Variants in PSD2 observed in about 807,000 individuals in gnomAD.
PSD2 encodes the protein pleckstrin and Sec7 domain containing 2.
Under a neutral mutation model 69.8 loss-of-function variants are expected in PSD2, and 38 were observed. The ratio of observed to expected loss-of-function variants is 0.54; its 90% CI spans 0.42 to 0.71. PSD2 has a LOEUF of 0.71. PSD2 is among the 30% of genes least tolerant of loss of function. The probability of loss-of-function intolerance (pLI) is 0.00; values close to 1 mark genes in which losing one functional copy is unlikely to be tolerated. For synonymous variants in PSD2, 412 were observed against 423.0 expected, an observed-to-expected ratio of 0.97 and a Z score of 0.32; for missense variants, 943 against 1,014.5, an observed-to-expected ratio of 0.93 and a Z score of 0.96.
At chr5:139,774,126 C>CA in the PSD2 span, among the ~76,000 whole-genome samples, 5 of 150,226 alleles carry the variant, frequency 3.3e-5, no homozygotes, top group Non-Finnish European at 7.4e-5. Flanking sequence ...CACTCGGTCT[C>CA]GTTTTTTTTT....
the PSD2 span, among the ~76,000 whole-genome samples, chr5:139,787,722 T>C: frequency 6.6e-6 from 1 of 152,194 alleles, no homozygotes; most frequent in African/African-American, 2.4e-5. Context: ...CTCGGCCAGT[T>C]AGACCCGCGA....
the PSD2 span, among the ~76,000 whole-genome samples, chr5:139,788,942 C>T: frequency 1.3e-5 from 2 of 152,290 alleles, no homozygotes; most frequent in East Asian, 3.9e-4. Flanking sequence ...CCAGGGCTGT[C>T]CAGTGAGCAA....
chr5:139,774,791 C>G, the PSD2 span, among the ~76,000 whole-genome samples: 1 of 152,166 alleles, frequency 6.6e-6, no homozygotes, highest in Non-Finnish European at 1.5e-5. Flanking sequence ...CGCCCGGCCC[C>G]GGGAAAGGCT....
chr5:139,804,129 G>A (rs956857684), intron 1 of PSD2, among the ~76,000 whole-genome samples: 40 of 152,202 alleles, frequency 2.6e-4, no homozygotes, highest in African/African-American at 9.4e-4. Flanking sequence ...TTAAGTGTCT[G>A]TGTGTGTCTT....
the PSD2 span, among the ~76,000 whole-genome samples, chr5:139,769,080 C>T: frequency 6.6e-6 from 1 of 152,054 alleles, no homozygotes; most frequent in African/African-American, 2.4e-5. Flanking sequence ...TGGAGAAGCA[C>T]AGGGCCTGTG....
intron 1 of PSD2, among the ~76,000 whole-genome samples, chr5:139,796,653 C>T (rs1046051281): frequency 6.6e-6 from 1 of 152,188 alleles, no homozygotes; most frequent in Non-Finnish European, 1.5e-5. Flanking sequence ...CTGGGGACAA[C>T]CCTGCCCAGC....
At chr5:139,823,185 C>A (rs986016457) in intron 7 of PSD2, among the ~76,000 whole-genome samples, 2 of 152,218 alleles carry the variant, frequency 1.3e-5, no homozygotes, top group Non-Finnish European at 2.9e-5. Flanking sequence ...TGGTGTGGGA[C>A]GCCCAGGCTG....
chr5:139,809,773 C>T lies in PSD2; in HGVS notation c.333C>T (p.Ser111=), dbSNP rs1326782472. ...AGVLAEGDNA[S]RSLYPDAEDP... ...TGCTGGCAGAGGGGGACAATGCTTC[C>T]AGGAGCCTCTACCCAGATGCTGAGG... Residue 111 remains serine, a synonymous_variant, in exon 2 of 15, where the codon TCC becomes TCT. Coordinates refer to ENST00000274710, the MANE Select transcript of PSD2 (RefSeq NM_032289.4). The T allele has an allele frequency of 1.2e-6, 2 of 1,614,196 alleles. No homozygotes were observed. Among genetic ancestry groups the T allele is most frequent in the East Asian group, 4.5e-5 (2 of 44,890 alleles).
At chr5:139,808,848 C>T (rs1447434519) in intron 1 of PSD2, among the ~76,000 whole-genome samples, 1 of 152,238 alleles carries the variant, frequency 6.6e-6, no homozygotes, top group Non-Finnish European at 1.5e-5. Flanking sequence ...AATTAGGCTG[C>T]GTCTGTTGAC....
the PSD2 span, among the ~76,000 whole-genome samples, chr5:139,758,518 T>C: frequency 6.6e-6 from 1 of 152,054 alleles, no homozygotes; most frequent in South Asian, 2.1e-4. Flanking sequence ...CAGGGCAGCT[T>C]CAGGGCAGGA....
chr5:139,797,844 C>T (rs1023538952), intron 1 of PSD2, among the ~76,000 whole-genome samples: 6 of 152,204 alleles, frequency 3.9e-5, no homozygotes, highest in African/African-American at 1.4e-4. Context: ...CCTGTGTCCC[C>T]ATCCTCTCCT....
chr5:139,817,904 A>G (rs1391508894), intron 5 of PSD2, among the ~76,000 whole-genome samples: 1 of 152,192 alleles, frequency 6.6e-6, no homozygotes, highest in African/African-American at 2.4e-5. Context: ...GGTAGGCACT[A>G]TCATTCCTAT....
chr5:139,745,518 G>T, the PSD2 span, among the ~76,000 whole-genome samples: 1 of 152,260 alleles, frequency 6.6e-6, no homozygotes, highest in Non-Finnish European at 1.5e-5. Context: ...TTCCCAGCAT[G>T]GGTGGGCGGG....
Position 139,833,679 on chromosome 5 carries a change from G to A in PSD2, c.1270-23G>A, listed in dbSNP as rs374867488. 9.4e-6 allele frequency: 15 copies of A among 1,588,966 alleles called. No homozygotes were observed. The African/African-American group carries it at 1.7e-4, about 19-fold the overall frequency. On this transcript the variant is annotated intron_variant, in intron 7 of 14. Transcript: ENST00000274710. ...CACCAGCCTCCTTCCCTACTCTTAG[G>A]CAGAACCATTTCTCCATTACAGAAC...
chr5:139,756,591 C>T, the PSD2 span, among the ~76,000 whole-genome samples: 1 of 152,094 alleles, frequency 6.6e-6, no homozygotes, highest in South Asian at 2.1e-4. Flanking sequence ...GGCGGAGGGA[C>T]CAGCTTGGGC....
the PSD2 span, among the ~76,000 whole-genome samples, chr5:139,755,712 GC>G: frequency 1.3e-5 from 2 of 151,462 alleles, no homozygotes; most frequent in African/African-American, 4.9e-5. Flanking sequence ...GACTCTAGGT[GC>G]CACAGTGTGT....
chr5:139,822,738 C>T lies in PSD2; in HGVS notation c.1223C>T (p.Thr408Met), dbSNP rs572473497. ...DDSTSEDGIHTLTCALMLLNT... is the reference protein window; with the variant it reads ...DDSTSEDGIHMLTCALMLLNT... ...ATCTCTGACTCAGATGGGATCCACACGCTCACCTGTGCCCTGATGCTGCTC... is the reference window on the plus strand; with the variant it reads ...ATCTCTGACTCAGATGGGATCCACATGCTCACCTGTGCCCTGATGCTGCTC... Residue 408 changes from threonine (T) to methionine (M), a missense_variant, in exon 7 of 15, where the codon ACG becomes ATG. Around this residue, in one of 3 missense-constraint regions of PSD2, gnomAD observed 312 missense variants for 400.7 expected, o/e 0.78. Coordinates refer to ENST00000274710, the MANE Select transcript of PSD2 (RefSeq NM_032289.4). 62 of 1,610,670 alleles carry T rather than the reference C, an allele frequency of 3.8e-5. No homozygotes were observed. The highest frequency in any genetic ancestry group is 1.8e-4 in the East Asian group (8 of 44,538).
At chr5:139,755,666 T>TGTGC in the PSD2 span, among the ~76,000 whole-genome samples, 7 of 125,390 alleles carry the variant, frequency 5.6e-5, no homozygotes, top group African/African-American at 2.0e-4. Context: ...TGTGTGTGTG[T>TGTGC]GCGCGCGCAT....
intron 1 of PSD2, among the ~76,000 whole-genome samples, chr5:139,804,952 CGTGT>C (rs1483703150): frequency 6.7e-6 from 1 of 148,324 alleles, no homozygotes; most frequent in African/African-American, 2.5e-5. Context: ...TGCACGTGTG[CGTGT>C]GTATGTGTGC....
Sources: allele counts gnomAD v4.1 joint callset (sites outside exome capture counted in the v4.1 genomes callset), GRCh38; gene constraint gnomAD v4.1.1; regional missense constraint gnomAD v4.1.1; transcripts MANE v1.5; gene names NCBI Gene and HGNC (gene_info 2026-07-23, HGNC 2026-07-21).